The following CDH17 variants were observed in gnomAD, a reference collection of about 807,000 sequenced individuals.
CDH17 encodes cadherin 17.
Under a neutral mutation model 86.3 loss-of-function variants are expected in CDH17, and 67 were observed. The observed-to-expected ratio is 0.78, with a 90% confidence interval of 0.64 to 0.95. The LOEUF (loss-of-function observed/expected upper bound fraction) is 0.95, where lower values mean the gene tolerates loss of function less well. Among genes scored for constraint, CDH17 ranks in the 40% least tolerant of loss-of-function variants. The pLI, the probability that CDH17 is intolerant of heterozygous loss-of-function variation, is 0.00. For synonymous variants in CDH17, 367 were observed against 366.4 expected, an observed-to-expected ratio of 1.00 and a Z score of -0.02; for missense variants, 993 against 1,017.6, an observed-to-expected ratio of 0.98 and a Z score of 0.33.
intron 11 of CDH17, 88 bp downstream of exon 11, chr8:94,161,998 C>T: frequency 2.4e-6 from 2 of 836,466 alleles, no homozygotes; most frequent in Non-Finnish European, 4.0e-6. Flanking sequence ...GGCACTTTTC[C>T]TAGCTACTGT....
At chr8:94,199,804 T>C (rs1813869713) in intron 1 of CDH17, among the ~76,000 whole-genome samples, 1 of 152,174 alleles carries the variant, frequency 6.6e-6, no homozygotes, top group African/African-American at 2.4e-5. Flanking sequence ...GGCTTGGGTC[T>C]TAACTCCTCC....
chr8:94,170,885 G>C lies in CDH17; in HGVS notation c.884C>G (p.Thr295Ser). ...CTTTTCTTCTCGGTCCAAGGGCTGA[G>C]TCACGTAAATATCTCCTTCCTGGTC... ...SIDQEGDIYV[T>S]QPLDREEKDA... Residue 295 changes from threonine to serine, a missense_variant, in exon 8 of 18, where the codon ACT (threonine) becomes AGT (serine). Transcript: ENST00000027335. 3 of 1,613,784 alleles carry C rather than the reference G, an allele frequency of 1.9e-6. No individual in the cohort carries two copies. Among genetic ancestry groups the C allele is most frequent in the Middle Eastern group, 1.7e-4 (1 of 6,058 alleles).
Position 94,162,277 on chromosome 8 carries a change from A to C in CDH17, c.1283-115T>G, listed in dbSNP as rs1391361994. The C allele has an allele frequency of 5.7e-6, 4 of 701,818 alleles. No individual in the cohort carries two copies. The African/African-American group carries it at 7.2e-5, about 13-fold the overall frequency. 43.5% of individuals were successfully genotyped at this position (701,818 alleles called of 1,614,324 possible). ...GTGACAGCCATAGCCACAATTTTGC[A>C]ATTGACATGCAATTTGTGCAGAGAG... On this transcript the variant is annotated intron_variant, in intron 10 of 17. Transcript: ENST00000027335.
At chr8:94,213,576 T>C (rs1481473825) in intron 1 of CDH17, among the ~76,000 whole-genome samples, 2 of 94,998 alleles carry the variant, frequency 2.1e-5, no homozygotes, top group African/African-American at 3.2e-5. Flanking sequence ...TTCCAAGAAA[T>C]GACCATCATT....
At position 94,206,327 on chromosome 8, in the gene CDH17, G is replaced by A. The variant is rs113233258; in HGVS notation, c.-21+2156C>T. ...TAGATAGGTATTCCCTTAAAATTCC[G>A]TGTGTCTTTCTTTGGATAATCAACG... On this transcript the variant is annotated intron_variant, in intron 1 of 17. Transcript: ENST00000027335. Among the ~76,000 whole-genome samples, 1,383 of 152,230 alleles carry A rather than the reference G, an allele frequency of 9.1e-3. 20 individuals are homozygous for A. Among genetic ancestry groups the A allele is most frequent in the African/African-American group, 0.031 (1,292 of 41,538 alleles).
chr8:94,158,067 G>T (rs1206141786), intron 12 of CDH17, among the ~76,000 whole-genome samples: 1 of 152,158 alleles, frequency 6.6e-6, no homozygotes, highest in Non-Finnish European at 1.5e-5. Flanking sequence ...CTCAAGGACA[G>T]TTATCACAGT....
rs749319458 is a variant in CDH17 at position 94,160,048 on chromosome 8, T to C, written c.1474A>G (p.Ile492Val). ...AGGCGTCCCTCACTGTCTCCCTTTA[T>C]GATATGATACAGAATTTTAGAACTC... ...TGSSKILYHI[I>V]KGDSEGRLGV... Residue 492 changes from isoleucine to valine, a missense_variant, in exon 12 of 18, where the codon ATA becomes GTA. Ile to Val is a conservative substitution (Grantham distance 29, BLOSUM62 3). Transcript: ENST00000027335. 6.2e-7 allele frequency: 1 copy of C among 1,613,892 alleles called. No individual in the cohort carries two copies.
At chr8:94,180,006 T>G (rs958769128) in intron 3 of CDH17, among the ~76,000 whole-genome samples, 5 of 152,186 alleles carry the variant, frequency 3.3e-5, no homozygotes, top group African/African-American at 9.6e-5. Flanking sequence ...TTTAAAAATC[T>G]ATTTTAGATA....
chr8:94,146,283 G>T (rs1172452856), intron 14 of CDH17, 116 bp from the exon 15 acceptor site: 8 of 922,054 alleles, frequency 8.7e-6, no homozygotes, highest in Non-Finnish European at 1.0e-5. Context: ...CTAGAAAGAC[G>T]ACAAGCTTTT....
Position 94,181,815 on chromosome 8 carries a change from A to G in CDH17, c.151-4094T>C, listed in dbSNP as rs114856342. Among the ~76,000 whole-genome samples, 1,266 of 152,110 alleles carry G rather than the reference A, an allele frequency of 8.3e-3. 25 individuals are homozygous for G. The highest frequency in any genetic ancestry group is 0.029 in the African/African-American group (1,204 of 41,544). ...AGTGGAAATTAATGAAATGGAGAAT[A>G]TAAGAGCACAGGAGAAAAGTCAACA... On this transcript the variant is annotated intron_variant, in intron 3 of 17. Transcript: ENST00000027335.
intron 3 of CDH17, among the ~76,000 whole-genome samples, chr8:94,181,634 G>C (rs969772478): frequency 1.4e-4 from 21 of 151,472 alleles, no homozygotes; most frequent in African/African-American, 5.1e-4. Flanking sequence ...TGCAGATAAA[G>C]CAGTACTTAG....
chr8:94,174,455 A>T (rs867896786), intron 5 of CDH17, among the ~76,000 whole-genome samples, 195 bp from the exon 6 acceptor site: 2 of 152,190 alleles, frequency 1.3e-5, no homozygotes, highest in Non-Finnish European at 2.9e-5. Context: ...CTGGTCCAAG[A>T]ACCTCTAAGG....
upstream of CDH17, among the ~76,000 whole-genome samples, chr8:94,211,696 A>G (rs572146094): frequency 6.8e-4 from 104 of 152,334 alleles, no homozygotes; most frequent in African/African-American, 2.5e-3. Flanking sequence ...TATGTTCTTT[A>G]TGTGTTACAT....
Position 94,127,357 on chromosome 8 carries a change from T to G in CDH17, c.*883A>C, listed in dbSNP as rs1370371994. Reference sequence around the variant, plus strand: ...CAGCTGACTGGTTCCTTTACCAAGGTTTGCAGAGTAGGTTGTGTTTGAACA... The same window carrying G: ...CAGCTGACTGGTTCCTTTACCAAGGGTTGCAGAGTAGGTTGTGTTTGAACA... On this transcript the variant is annotated 3_prime_UTR_variant, in exon 18 of 18. Transcript: ENST00000027335. 2.0e-5 allele frequency: 3 copies of G among 152,216 alleles called. No homozygotes were observed. The highest frequency in any genetic ancestry group is 4.4e-5 in the Non-Finnish European group (3 of 68,034). The allele number at this position is 152,216 out of a possible 1,614,324, so 9.4% of individuals were successfully genotyped here.
intron 15 of CDH17, 136 bp from the exon 16 acceptor site, chr8:94,131,128 A>T: frequency 1.6e-6 from 1 of 620,366 alleles, no homozygotes; most frequent in East Asian, 2.6e-5. Flanking sequence ...AGTATCATCC[A>T]CATCATTCCA....
chr8:94,215,516 TAA>T (rs1814180399), intron 1 of CDH17, among the ~76,000 whole-genome samples: 1 of 152,200 alleles, frequency 6.6e-6, no homozygotes, highest in East Asian at 1.9e-4. Flanking sequence ...AGCTGAGAGC[TAA>T]AAGACATGGG....
At chr8:94,210,864 T>G (rs2082413245), upstream of CDH17, among the ~76,000 whole-genome samples, 1 of 151,662 alleles carries the variant, frequency 6.6e-6, no homozygotes, top group Admixed American at 6.6e-5. Context: ...CTACTAAAAA[T>G]GCAAAAATTA....
chr8:94,154,106 T>C (rs746214253), intron 12 of CDH17, among the ~76,000 whole-genome samples: 2 of 152,238 alleles, frequency 1.3e-5, no homozygotes, highest in Non-Finnish European at 2.9e-5. Context: ...TTCTACAATG[T>C]ATGTATATTT....
intron 1 of CDH17, among the ~76,000 whole-genome samples, chr8:94,197,656 C>T (rs1232779474): frequency 6.6e-6 from 1 of 151,882 alleles, no homozygotes; most frequent in East Asian, 1.9e-4. Context: ...CATAGTGAAA[C>T]CCCGTCTCTA....
Sources: gnomAD v4.1 joint callset for allele counts (sites outside exome capture counted in the v4.1 genomes callset) on GRCh38, gnomAD v4.1.1 for gene constraint, MANE v1.5 for transcripts, NCBI Gene and HGNC (gene_info 2026-07-23, HGNC 2026-07-21) for gene names.